Variants in GATAD2B observed in about 807,000 individuals in gnomAD.
GATAD2B encodes the protein GATA zinc finger domain containing 2B.
In GATAD2B, 8 loss-of-function variants were observed where a neutral mutation model predicts 64.3. The observed-to-expected ratio is 0.12, with a 90% CI of 0.07 to 0.22. The LOEUF (loss-of-function observed/expected upper bound fraction) is 0.22. GATAD2B is among the 10% of genes least tolerant of loss of function. The pLI, the probability that GATAD2B is intolerant of heterozygous loss-of-function variation, is 1.00. For missense variants in GATAD2B, 453 were observed against 752.0 expected (o/e 0.60, Z 4.65); for synonymous variants, 281 against 271.3 (o/e 1.04, Z -0.35).
intron 6 of GATAD2B, among the ~76,000 whole-genome samples, chr1:153,817,164 G>A (rs1398000100): frequency 6.6e-6 from 1 of 152,176 alleles, no homozygotes; most frequent in Admixed American, 6.5e-5. Flanking sequence ...CTGCTCTGCT[G>A]TATAACCTCT....
chr1:153,818,175 G>A lies in GATAD2B; in HGVS notation c.598-4C>T. On this transcript the variant is annotated splice_region_variant and splice_polypyrimidine_tract_variant and intron_variant, in intron 4 of 10. Coordinates refer to ENST00000368655, the MANE Select transcript of GATAD2B (RefSeq NM_020699.4). Reference sequence around the variant, plus strand: ...CTGCATTCTGTACAACTGGAGTCTGGGAGAGGGAAGAGAAAATAAGACTGT... The same window carrying A: ...CTGCATTCTGTACAACTGGAGTCTGAGAGAGGGAAGAGAAAATAAGACTGT... 1.3e-6 allele frequency: 2 copies of A among 1,593,500 alleles called. No homozygotes were observed. The highest frequency in any genetic ancestry group is 2.3e-5 in the East Asian group (1 of 43,756).
chr1:153,881,218 T>C (rs1274862476), intron 1 of GATAD2B, among the ~76,000 whole-genome samples: 3 of 152,032 alleles, frequency 2.0e-5, no homozygotes, highest in South Asian at 2.1e-4. Context: ...AGTCAGCTGG[T>C]TGACTCCATT....
intron 1 of GATAD2B, among the ~76,000 whole-genome samples, chr1:153,857,166 C>T (rs1021916015): frequency 2.0e-5 from 3 of 150,382 alleles, no homozygotes; most frequent in African/African-American, 7.4e-5. Context: ...ATAAATTGGC[C>T]GGGCGCAGTG....
intron 2 of GATAD2B, chr1:153,827,715 A>C: frequency 2.7e-6 from 1 of 364,682 alleles, no homozygotes; most frequent in Non-Finnish European, 4.9e-6. Context: ...TGAAGATTAG[A>C]ATGAAGGTAT....
At chr1:153,892,626 TATAAA>T (rs1457167481) in intron 1 of GATAD2B, among the ~76,000 whole-genome samples, 3 of 151,896 alleles carry the variant, frequency 2.0e-5, no homozygotes, top group Non-Finnish European at 4.4e-5. Flanking sequence ...CCAACAATAT[TATAAA>T]ATAATTTTGT....
intron 10 of GATAD2B, 107 bp downstream of exon 10, chr1:153,811,620 TAAAG>T: frequency 1.3e-6 from 1 of 768,314 alleles, no homozygotes; most frequent in Middle Eastern, 2.3e-4. Flanking sequence ...GTGTATGCCC[TAAAG>T]AAAGAACAGA....
chr1:153,880,637 A>G (rs1271604305), intron 1 of GATAD2B, among the ~76,000 whole-genome samples: 1 of 152,086 alleles, frequency 6.6e-6, no homozygotes, highest in African/African-American at 2.4e-5. Flanking sequence ...AACAGAAAGA[A>G]GAGACCCACC....
At chr1:153,911,258 G>T (rs1251076668) in intron 1 of GATAD2B, among the ~76,000 whole-genome samples, 1 of 152,062 alleles carries the variant, frequency 6.6e-6, no homozygotes, top group East Asian at 1.9e-4. Flanking sequence ...ACTGAGAATG[G>T]TTGGTTTTTT....
intron 1 of GATAD2B, among the ~76,000 whole-genome samples, chr1:153,835,553 C>A (rs1326974260): frequency 6.6e-6 from 1 of 151,934 alleles, no homozygotes. Context: ...CACATGGAGG[C>A]AAGACACTCT....
At chr1:153,896,816 A>G (rs979785350) in intron 1 of GATAD2B, among the ~76,000 whole-genome samples, 6 of 152,214 alleles carry the variant, frequency 3.9e-5, no homozygotes, top group South Asian at 2.1e-4. Context: ...TCAGGAGATC[A>G]TGCTATATTC....
chr1:153,846,517 C>T (rs781064708), intron 1 of GATAD2B, among the ~76,000 whole-genome samples: 10 of 150,580 alleles, frequency 6.6e-5, no homozygotes, highest in Non-Finnish European at 1.2e-4. Context: ...GGATTACAGG[C>T]ATTAGCCACC....
At chr1:153,882,845 T>C (rs1677048494) in intron 1 of GATAD2B, among the ~76,000 whole-genome samples, 1 of 152,156 alleles carries the variant, frequency 6.6e-6, no homozygotes, top group Non-Finnish European at 1.5e-5. Context: ...GTTCCAATCA[T>C]TTTATAAGGA....
chr1:153,861,481 A>G (rs953289255), intron 1 of GATAD2B, among the ~76,000 whole-genome samples: 2 of 151,722 alleles, frequency 1.3e-5, no homozygotes, highest in Non-Finnish European at 2.9e-5. Context: ...AAGAAACATC[A>G]TTAAGTTATA....
chr1:153,816,104 C>T lies in GATAD2B; in HGVS notation c.1216+169G>A, dbSNP rs553875103. Reference sequence around the variant, plus strand: ...CACACACACACACACACACACACTCCGCTTCTAACATGTTGCTCCCAAACA... The same window carrying T: ...CACACACACACACACACACACACTCTGCTTCTAACATGTTGCTCCCAAACA... On this transcript the variant is annotated intron_variant, in intron 7 of 10. Coordinates refer to ENST00000368655, the MANE Select transcript of GATAD2B (RefSeq NM_020699.4). This position sits in a 1 kb window ranked among gnomAD's most constrained non-coding sequence, Gnocchi z 4.9. Among the ~76,000 whole-genome samples, 4 of 113,328 alleles carry T rather than the reference C, an allele frequency of 3.5e-5. No individual in the cohort carries two copies. Among genetic ancestry groups the T allele is most frequent in the Admixed American group, 1.0e-4 (1 of 10,050 alleles). The allele number at this position is 113,328 out of a possible 152,430, so 74.3% of individuals were successfully genotyped here. A position where few individuals can be genotyped will look rare whatever the true frequency, so the allele number is the denominator to read the frequency against.
chr1:153,876,481 C>T (rs965199111), intron 1 of GATAD2B, among the ~76,000 whole-genome samples: 19 of 152,140 alleles, frequency 1.2e-4, no homozygotes, highest in Non-Finnish European at 2.2e-4. Context: ...ACCTTTGGCT[C>T]ACATTCTTGA....
chr1:153,848,115 C>CTTGGTATAGTAT lies in GATAD2B; in HGVS notation c.-1-19779_-1-19768dup, dbSNP rs1219927879. On this transcript the variant is annotated intron_variant, in intron 1 of 10. Coordinates refer to ENST00000368655, the MANE Select transcript of GATAD2B (RefSeq NM_020699.4). The stretch of plus-strand genomic sequence containing the variant: ...GAGAATCATCCCCTCACCATACCAA[C>CTTGGTATAGTAT]TTGGTATAGTATTTCTTACACCTTA... Among the ~76,000 whole-genome samples, 212 of 152,316 alleles carry CTTGGTATAGTAT rather than the reference C, an allele frequency of 1.4e-3. 2 individuals are homozygous for CTTGGTATAGTAT. Among genetic ancestry groups the CTTGGTATAGTAT allele is most frequent in the African/African-American group, 4.8e-3 (201 of 41,570 alleles).
At chr1:153,877,895 A>T (rs1676886116) in intron 1 of GATAD2B, among the ~76,000 whole-genome samples, 1 of 151,972 alleles carries the variant, frequency 6.6e-6, no homozygotes, top group African/African-American at 2.4e-5. Flanking sequence ...CTTAAAAAAA[A>T]AAAAAAAAAA....
chr1:153,843,524 C>T lies in GATAD2B; in HGVS notation c.-1-15176G>A, dbSNP rs562875893. On this transcript the variant is annotated intron_variant, in intron 1 of 10. Transcript: ENST00000368655. ...TCCTGGCCTCACACGATCCTCCTGC[C>T]TTGGCTTCCCAAAGCACCAGGATTA... 3.3e-5 allele frequency among the ~76,000 whole-genome samples: 5 copies of T among 152,216 alleles called. No individual in the cohort carries two copies. In the East Asian group the frequency reaches 9.6e-4, roughly 29 times the overall value.
At chr1:153,916,592 G>A (rs1435500785) in intron 1 of GATAD2B, among the ~76,000 whole-genome samples, 1 of 152,112 alleles carries the variant, frequency 6.6e-6, no homozygotes, top group East Asian at 1.9e-4. Flanking sequence ...GAGTTTAGGA[G>A]AGAAATGATA....
Sources: gnomAD v4.1 joint callset for allele counts (sites outside exome capture counted in the v4.1 genomes callset) on GRCh38, gnomAD v4.1.1 for gene constraint, Gnocchi (gnomAD v3.1) non-coding constraint, MANE v1.5 for transcripts, NCBI Gene and HGNC (gene_info 2026-07-23, HGNC 2026-07-21) for gene names.